PCSK5: variants seen among roughly 807,000 people sequenced by gnomAD.
PCSK5 encodes proprotein convertase subtilisin/kexin type 5, also known as prohormone convertase 5.
A neutral mutation model predicts 233.2 loss-of-function variants in PCSK5; 129 were observed. That is an observed-to-expected ratio of 0.55 (90% confidence interval 0.48 to 0.64). The LOEUF (loss-of-function observed/expected upper bound fraction) is 0.64, where lower values mean the gene tolerates loss of function less well. Among genes scored for constraint, PCSK5 ranks in the 30% least tolerant of loss-of-function variants. The pLI is 0.00. For synonymous variants in PCSK5, 825 were observed against 879.2 expected, an observed-to-expected ratio of 0.94 and a Z score of 1.09; for missense variants, 2,076 against 2,430.1, an observed-to-expected ratio of 0.85 and a Z score of 3.06.
chr9:76,225,053 T>C (rs1825844844), intron 20 of PCSK5, among the ~76,000 whole-genome samples: 1 of 152,208 alleles, frequency 6.6e-6, no homozygotes, highest in African/African-American at 2.4e-5. Flanking sequence ...GTTCTGCCCA[T>C]TCCTACAGGC....
chr9:76,239,606 G>A (rs1826365203), intron 23 of PCSK5, among the ~76,000 whole-genome samples: 1 of 149,684 alleles, frequency 6.7e-6, no homozygotes, highest in Non-Finnish European at 1.5e-5. Flanking sequence ...TGAGGCAGGA[G>A]AATGGCTTGA....
Position 76,023,790 on chromosome 9 carries a change from C to G in PCSK5, c.464C>G (p.Ala155Gly). Residue 155 changes from alanine to glycine, a missense_variant, in exon 4 of 38, where the codon GCC (alanine) becomes GGC (glycine). Ala to Gly is a moderately conservative substitution (Grantham distance 60, BLOSUM62 0). Around this residue, in one of 6 missense-constraint regions of PCSK5, gnomAD observed 190 missense variants for 216.3 expected, o/e 0.88. Transcript: ENST00000674117. Reference sequence around the variant, plus strand: ...CAGTCTGACATGAATATCGAAGGAGCCTGGAAGAGAGGCTACACGGGAAAG... The same window carrying G: ...CAGTCTGACATGAATATCGAAGGAGGCTGGAAGAGAGGCTACACGGGAAAG... ...PCQSDMNIEG[A>G]WKRGYTGKNI... is the part of the protein sequence containing the mutation. 1 of 1,612,814 alleles carries G rather than the reference C, an allele frequency of 6.2e-7. No individual in the cohort carries two copies. The highest frequency in any genetic ancestry group is 1.3e-5 in the African/African-American group (1 of 74,970).
At chr9:76,245,041 A>G (rs1826544919) in intron 24 of PCSK5, among the ~76,000 whole-genome samples, 1 of 152,178 alleles carries the variant, frequency 6.6e-6, no homozygotes, top group East Asian at 1.9e-4. Context: ...ACTTTTACCT[A>G]ATGTTTTGAG....
chr9:76,068,102 G>C (rs1019006703), intron 6 of PCSK5, 59 bp downstream of exon 6: 33 of 1,195,778 alleles, frequency 2.8e-5, no homozygotes, highest in Non-Finnish European at 4.1e-5. Flanking sequence ...TTGGCTGACT[G>C]GCTTTCAGAA....
intron 24 of PCSK5, among the ~76,000 whole-genome samples, chr9:76,264,911 T>C (rs1827287961): frequency 6.6e-6 from 1 of 152,238 alleles, no homozygotes; most frequent in African/African-American, 2.4e-5. Context: ...TATTTATATA[T>C]ACCCAAAAGA....
intron 9 of PCSK5, among the ~76,000 whole-genome samples, chr9:76,132,119 T>C (rs1449048590): frequency 6.6e-6 from 1 of 152,100 alleles, no homozygotes; most frequent in Non-Finnish European, 1.5e-5. Flanking sequence ...ACATCTTATG[T>C]TGAGACTGGC....
chr9:76,063,918 G>A lies in PCSK5; in HGVS notation c.633-4037G>A, dbSNP rs551653807. ...CCAGTAGGGGCAGCTGGGCAGAGGC[G>A]CCCCTCACCTCCCAGACGGGGCGCC... On this transcript the variant is annotated intron_variant, in intron 5 of 37. Coordinates refer to ENST00000674117, the MANE Select transcript of PCSK5 (RefSeq NM_001372043.1). 1.2e-4 allele frequency among the ~76,000 whole-genome samples: 8 copies of A among 66,676 alleles called. No homozygotes were observed. The East Asian group carries it at 2.5e-3, about 21-fold the overall frequency. The allele number at this position is 66,676 out of a possible 152,430, so 43.7% of individuals were successfully genotyped here.
At chr9:76,202,216 T>C (rs373098673) in intron 20 of PCSK5, among the ~76,000 whole-genome samples, 2 of 152,144 alleles carry the variant, frequency 1.3e-5, no homozygotes, top group Middle Eastern at 3.2e-3. Flanking sequence ...ACCTCCCAAA[T>C]CTCCCAGATC....
At position 76,135,696 on chromosome 9, in the gene PCSK5, G is replaced by C. The variant is rs150282126; in HGVS notation, c.1312+1484G>C. On this transcript the variant is annotated intron_variant, in intron 10 of 37. Transcript: ENST00000674117. ...ATTAGCTTCCACATGCTCCCAACTC[G>C]TACAATATAAATCCATGAGGCTGCA... Among the ~76,000 whole-genome samples, 424 of 152,082 alleles carry C rather than the reference G, an allele frequency of 2.8e-3. 5 individuals carry two copies. The highest frequency in any genetic ancestry group is 0.014 in the Middle Eastern group (4 of 294).
intron 1 of PCSK5, among the ~76,000 whole-genome samples, chr9:75,908,567 A>G (rs571320692): frequency 9.2e-5 from 14 of 152,106 alleles, no homozygotes; most frequent in African/African-American, 2.7e-4. Context: ...TGTTCTCAAC[A>G]TCATTCAACC....
chr9:76,271,603 G>C (rs1435294186), intron 24 of PCSK5, among the ~76,000 whole-genome samples: 1 of 152,112 alleles, frequency 6.6e-6, no homozygotes, highest in Non-Finnish European at 1.5e-5. Context: ...TGGAAGGCCA[G>C]GGCAGGAGGA....
chr9:76,312,877 G>T (rs1158080731), intron 30 of PCSK5, among the ~76,000 whole-genome samples: 2 of 152,178 alleles, frequency 1.3e-5, no homozygotes, highest in African/African-American at 4.8e-5. Flanking sequence ...ACTCCAGGAA[G>T]TCCAAGTCTG....
chr9:75,995,046 C>G (rs1826952090), intron 3 of PCSK5, among the ~76,000 whole-genome samples: 2 of 152,186 alleles, frequency 1.3e-5, no homozygotes, highest in East Asian at 3.8e-4. Flanking sequence ...TTCACAGATC[C>G]TTTAAACATG....
At chr9:75,943,896 C>T (rs1045021058) in intron 2 of PCSK5, among the ~76,000 whole-genome samples, 9 of 152,152 alleles carry the variant, frequency 5.9e-5, no homozygotes, top group Admixed American at 4.6e-4. Context: ...TGTGGTGGCT[C>T]ATGCCTATAA....
chr9:76,209,440 T>G, intron 20 of PCSK5: 1 of 488,942 alleles, frequency 2.0e-6, no homozygotes, highest in Non-Finnish European at 4.1e-6. Context: ...GATGTAAACT[T>G]CACCAGGAAG....
chr9:76,173,733 G>A (rs553730215), intron 13 of PCSK5, among the ~76,000 whole-genome samples: 3 of 151,994 alleles, frequency 2.0e-5, no homozygotes, highest in African/African-American at 7.2e-5. Flanking sequence ...AGCACTTAGG[G>A]AGGCTAAGGC....
At chr9:76,148,947 A>G (rs1823560525) in intron 10 of PCSK5, among the ~76,000 whole-genome samples, 1 of 152,166 alleles carries the variant, frequency 6.6e-6, no homozygotes, top group East Asian at 1.9e-4. Context: ...CTTCCTTGAA[A>G]ATGTCACCAT....
intron 1 of PCSK5, among the ~76,000 whole-genome samples, chr9:75,911,457 A>ATGCTGAGCACTG (rs2131231332): frequency 6.6e-6 from 1 of 152,172 alleles, no homozygotes; most frequent in East Asian, 1.9e-4. Flanking sequence ...TGCCCACACT[A>ATGCTGAGCACTG]TGCTGAGCAC....
intron 3 of PCSK5, among the ~76,000 whole-genome samples, chr9:75,987,075 A>G (rs139438006): frequency 6.6e-5 from 10 of 152,332 alleles, no homozygotes; most frequent in African/African-American, 2.4e-4. Context: ...TAGTTTTTGT[A>G]TTCCTGTTCC....
Sources: allele counts gnomAD v4.1 joint callset (sites outside exome capture counted in the v4.1 genomes callset), GRCh38; gene constraint gnomAD v4.1.1; regional missense constraint gnomAD v4.1.1; transcripts MANE v1.5; gene names NCBI Gene and HGNC (gene_info 2026-07-23, HGNC 2026-07-21).